Variants in SLAIN2 observed in about 807,000 individuals in gnomAD.
SLAIN2 encodes SLAIN family member 2.
In SLAIN2, 31 loss-of-function variants were observed where a neutral mutation model predicts 56.6. The ratio of observed to expected loss-of-function variants is 0.55; its 90% confidence interval spans 0.41 to 0.74. The LOEUF is 0.74. SLAIN2 is among the 30% of genes least tolerant of loss of function. The pLI, the probability that SLAIN2 is intolerant of heterozygous loss-of-function variation, is 0.00. For synonymous variants in SLAIN2, 317 were observed against 284.9 expected, an observed-to-expected ratio of 1.11 and a Z score of -1.13; for missense variants, 777 against 754.2, an observed-to-expected ratio of 1.03 and a Z score of -0.35.
intron 1 of SLAIN2, among the ~76,000 whole-genome samples, chr4:48,365,012 T>G (rs1715472402): frequency 6.6e-6 from 1 of 152,204 alleles, no homozygotes; most frequent in Non-Finnish European, 1.5e-5. Context: ...GGAATTAATC[T>G]GTTTTATCTA....
chr4:48,342,893 T>TA (rs1476439796), intron 1 of SLAIN2, among the ~76,000 whole-genome samples: 2 of 152,000 alleles, frequency 1.3e-5, no homozygotes, highest in Admixed American at 6.5e-5. Context: ...GAGTCCTATT[T>TA]AAAAATTTAA....
At chr4:48,377,185 T>G (rs6829457) in intron 2 of SLAIN2, among the ~76,000 whole-genome samples, 7 of 150,532 alleles carry the variant, frequency 4.7e-5, no homozygotes, top group African/African-American at 1.5e-4. Flanking sequence ...TACAAAAAAA[T>G]ATATATATAT....
intron 6 of SLAIN2, among the ~76,000 whole-genome samples, chr4:48,395,164 C>T (rs1456878374): frequency 6.6e-6 from 1 of 151,986 alleles, no homozygotes; most frequent in African/African-American, 2.4e-5. Context: ...ATATGAAGGT[C>T]GGACATCAAA....
At chr4:48,345,798 A>G (rs1714849105) in intron 1 of SLAIN2, among the ~76,000 whole-genome samples, 1 of 152,098 alleles carries the variant, frequency 6.6e-6, no homozygotes, top group Admixed American at 6.6e-5. Flanking sequence ...TTTGGTAGGC[A>G]TATCTACTAC....
intron 6 of SLAIN2, among the ~76,000 whole-genome samples, chr4:48,417,844 T>A (rs1280599191): frequency 6.6e-6 from 1 of 151,932 alleles, no homozygotes; most frequent in African/African-American, 2.4e-5. Flanking sequence ...ATTGATGGGA[T>A]GTATTTCAAA....
chr4:48,418,681 T>C (rs1339853916), intron 6 of SLAIN2, among the ~76,000 whole-genome samples: 2 of 152,226 alleles, frequency 1.3e-5, no homozygotes, highest in African/African-American at 2.4e-5. Flanking sequence ...AATTGGGACA[T>C]GTTCTTTCCT....
At position 48,382,573 on chromosome 4, in the gene SLAIN2, C is replaced by A; in HGVS notation, c.868C>A (p.Arg290=). 1 of 1,559,280 alleles carries A rather than the reference C, an allele frequency of 6.4e-7. No individual in the cohort carries two copies. Among genetic ancestry groups the A allele is most frequent in the Non-Finnish European group, 8.7e-7 (1 of 1,143,948 alleles). The part of the protein sequence containing the change: ...ILARMQEESL[R]QEYAATTSRR... ...ATAACATTCATTGTTGCCAGGTCTC[C>A]GGCAAGAATATGCAGCCACCACGTC... Residue 290 remains arginine, a synonymous_variant, in exon 5 of 8, where the codon CGG becomes AGG. Transcript: ENST00000264313.
intron 6 of SLAIN2, among the ~76,000 whole-genome samples, chr4:48,401,656 C>T (rs1352434226): frequency 3.3e-5 from 5 of 152,228 alleles, no homozygotes; most frequent in South Asian, 2.1e-4. Context: ...CCTTTATTTT[C>T]AGCCTGTATG....
chr4:48,423,078 C>T lies in SLAIN2; in HGVS notation c.*1001C>T, dbSNP rs1717204974. 2 of 152,126 alleles carry T rather than the reference C, an allele frequency of 1.3e-5. No individual in the cohort carries two copies. The highest frequency in any genetic ancestry group is 4.8e-5 in the African/African-American group (2 of 41,434). The allele number at this position is 152,126 out of a possible 1,614,324, so 9.4% of individuals were successfully genotyped here. ...GGGGAAAAAAATCTATGCACTTAAC[C>T]TACAAAATCTCTGGTGATGACAGTT... is the stretch of plus-strand genomic sequence containing the variant. On this transcript the variant is annotated 3_prime_UTR_variant, in exon 8 of 8. Coordinates refer to ENST00000264313, the MANE Select transcript of SLAIN2 (RefSeq NM_020846.2).
chr4:48,420,737 A>G (rs192899175), intron 7 of SLAIN2, among the ~76,000 whole-genome samples: 195 of 152,334 alleles, frequency 1.3e-3, no homozygotes, highest in Admixed American at 3.4e-3. Flanking sequence ...TGTGATATTC[A>G]TTCATTTCGA....
intron 1 of SLAIN2, among the ~76,000 whole-genome samples, chr4:48,348,014 C>G (rs1256929359): frequency 6.6e-6 from 1 of 152,136 alleles, no homozygotes; most frequent in Non-Finnish European, 1.5e-5. Context: ...GAGATTGACA[C>G]CAAACCTAAA....
At chr4:48,379,040 A>G (rs1715901514) in intron 3 of SLAIN2, among the ~76,000 whole-genome samples, 1 of 152,154 alleles carries the variant, frequency 6.6e-6, no homozygotes, top group Non-Finnish European at 1.5e-5. Flanking sequence ...TTATTTAGTA[A>G]AAGTTGACGA....
intron 2 of SLAIN2, among the ~76,000 whole-genome samples, chr4:48,371,554 A>G (rs1715663804): frequency 6.6e-6 from 1 of 152,150 alleles, no homozygotes; most frequent in Non-Finnish European, 1.5e-5. Flanking sequence ...TTTCTGACCA[A>G]TTTCTGGCAT....
chr4:48,414,208 G>A (rs1716937569), intron 6 of SLAIN2, among the ~76,000 whole-genome samples: 1 of 152,136 alleles, frequency 6.6e-6, no homozygotes, highest in Admixed American at 6.5e-5. Context: ...AAAGAGTAAA[G>A]AGAAATTATA....
chr4:48,379,740 A>C lies in SLAIN2; in HGVS notation c.754A>C (p.Ile252Leu). 1 of 1,591,400 alleles carries C rather than the reference A, an allele frequency of 6.3e-7. No individual in the cohort carries two copies. The highest frequency in any genetic ancestry group is 8.5e-7 in the Non-Finnish European group (1 of 1,170,790). Residue 252 changes from isoleucine to leucine, a missense_variant, in exon 4 of 8, where the codon ATA (isoleucine) becomes CTA (leucine). Ile to Leu is a conservative substitution (Grantham distance 5, BLOSUM62 2). Transcript: ENST00000264313. ...RNPPLSPQSSIDSELSASELD... is the reference protein window; with the variant it reads ...RNPPLSPQSSLDSELSASELD... ...TCCTCCACTCAGTCCTCAGTCCTCT[A>C]TAGATAGTGAGTTAAGTGCTTCAGA...
At chr4:48,381,856 G>T (rs929340300) in intron 4 of SLAIN2, among the ~76,000 whole-genome samples, 2 of 152,054 alleles carry the variant, frequency 1.3e-5, no homozygotes, top group Admixed American at 1.3e-4. Flanking sequence ...ACTATGTTAC[G>T]TATCAACTTT....
intron 2 of SLAIN2, among the ~76,000 whole-genome samples, chr4:48,375,134 C>A (rs1371852409): frequency 6.6e-5 from 10 of 152,124 alleles, no homozygotes; most frequent in Middle Eastern, 3.4e-3. Context: ...GATAAAAAGG[C>A]TTAGAACTTG....
At position 48,386,828 on chromosome 4, in the gene SLAIN2, CCT is replaced by C. The variant is rs1370928303; in HGVS notation, c.1360+3045_1360+3046del. Among the ~76,000 whole-genome samples, 4 of 152,056 alleles carry C rather than the reference CCT, an allele frequency of 2.6e-5. No individual in the cohort carries two copies. The East Asian group carries it at 7.7e-4, about 29-fold the overall frequency. On this transcript the variant is annotated intron_variant, in intron 6 of 7. Transcript: ENST00000264313. ...ATCCTGTTTCTGGCTTCTTTTTTCC[CCT>C]GACACATTTGGCTGATGCAAAAAAA...
intron 2 of SLAIN2, among the ~76,000 whole-genome samples, chr4:48,371,597 G>A (rs941167201): frequency 3.3e-5 from 5 of 151,968 alleles, no homozygotes; most frequent in African/African-American, 1.2e-4. Flanking sequence ...CATTAAGTAT[G>A]GAAATTTTCT....
Sources: gnomAD v4.1 joint callset for allele counts (sites outside exome capture counted in the v4.1 genomes callset) on GRCh38, gnomAD v4.1.1 for gene constraint, MANE v1.5 for transcripts, NCBI Gene and HGNC (gene_info 2026-07-23, HGNC 2026-07-21) for gene names.